Variants in PPP4R3B observed in about 807,000 individuals in gnomAD.
The protein encoded by PPP4R3B is serine/threonine-protein phosphatase 4 regulatory subunit 3B.
PPP4R3B carries 52 observed loss-of-function variants against 95.4 expected under a neutral mutation model. That is an observed-to-expected ratio of 0.54 (90% CI 0.44 to 0.69). The LOEUF (loss-of-function observed/expected upper bound fraction) is 0.69, where lower values mean the gene tolerates loss of function less well. PPP4R3B is among the 30% of genes least tolerant of loss of function. PPP4R3B has a pLI of 0.00. For missense variants in PPP4R3B, 1,003 were observed against 1,005.9 expected, an observed-to-expected ratio of 1.00 and a Z score of 0.04; for synonymous variants, 407 against 343.9, an observed-to-expected ratio of 1.18 and a Z score of -2.03.
chr2:55,599,069 C>A, intron 3 of PPP4R3B, 30 bp from the exon 4 acceptor site: 1 of 1,542,286 alleles, frequency 6.5e-7, no homozygotes, highest in Admixed American at 2.1e-5. Context: ...CAGCTAATTA[C>A]CTTAAAATAC....
At chr2:55,595,834 G>T (rs1313771665) in intron 4 of PPP4R3B, among the ~76,000 whole-genome samples, 1 of 151,734 alleles carries the variant, frequency 6.6e-6, no homozygotes, top group Non-Finnish European at 1.5e-5. Context: ...ACTTCCAGAG[G>T]TCCACAAACC....
intron 4 of PPP4R3B, among the ~76,000 whole-genome samples, chr2:55,591,316 T>G (rs987617859): frequency 6.8e-5 from 10 of 147,366 alleles, no homozygotes; most frequent in African/African-American, 2.7e-4. Flanking sequence ...TTTTTTTAAT[T>G]TTTTGTACAG....
chr2:55,553,425 T>A (rs1200054004), intron 16 of PPP4R3B, among the ~76,000 whole-genome samples: 2 of 152,108 alleles, frequency 1.3e-5, no homozygotes, highest in African/African-American at 2.4e-5. Context: ...ACTCTCTAAG[T>A]CCATACCATA....
intron 16 of PPP4R3B, among the ~76,000 whole-genome samples, chr2:55,551,451 T>A (rs1488248254): frequency 6.6e-6 from 1 of 152,098 alleles, no homozygotes; most frequent in Non-Finnish European, 1.5e-5. Context: ...AGTGAACTAT[T>A]TTGAAATTTA....
chr2:55,579,619 A>G (rs547937131), intron 9 of PPP4R3B, 60 bp downstream of exon 9: 158 of 1,234,388 alleles, frequency 1.3e-4, no homozygotes, highest in Admixed American at 6.4e-4. Flanking sequence ...TGTTAGTTTA[A>G]TATTTATCTC....
intron 16 of PPP4R3B, among the ~76,000 whole-genome samples, chr2:55,551,694 T>A (rs1685266997): frequency 6.7e-6 from 1 of 149,618 alleles, no homozygotes; most frequent in African/African-American, 2.5e-5. Context: ...GAGGCTGCAG[T>A]GAGCCAAGAT....
chr2:55,576,680 C>A (rs531566712), intron 11 of PPP4R3B, among the ~76,000 whole-genome samples: 6 of 151,216 alleles, frequency 4.0e-5, no homozygotes, highest in African/African-American at 1.5e-4. Context: ...CCAGCCTGGG[C>A]GACAGAGTGA....
intron 16 of PPP4R3B, among the ~76,000 whole-genome samples, chr2:55,552,531 C>T (rs1685368523): frequency 6.6e-6 from 1 of 152,116 alleles, no homozygotes; most frequent in Non-Finnish European, 1.5e-5. Context: ...GTAGCTTGGG[C>T]TACATGCATG....
At position 55,603,984 on chromosome 2, in the gene PPP4R3B, A is replaced by C; in HGVS notation, c.291T>G (p.Ile97Met). 6.3e-7 allele frequency: 1 copy of C among 1,596,732 alleles called. No individual in the cohort carries two copies. Among genetic ancestry groups the C allele is most frequent in the Non-Finnish European group, 8.5e-7 (1 of 1,174,666 alleles). The change falls in exon 3 of 17, where the codon ATT becomes ATG. Residue 97 changes from isoleucine (I) to methionine (M), a missense_variant. Around this residue, in one of 3 missense-constraint regions of PPP4R3B, gnomAD observed 695 missense variants for 686.2 expected, o/e 1.01. Coordinates refer to ENST00000616407, the MANE Select transcript of PPP4R3B (RefSeq NM_001122964.3). ...ATTATAAAAAGAAACTTACCTGACA[A>C]ATTTTTTCCCAGATCTCATCACAGC... is the stretch of plus-strand genomic sequence containing the variant. ...KAGCDEIWEK[I>M]CQVQGKDPSV...
intron 4 of PPP4R3B, among the ~76,000 whole-genome samples, chr2:55,593,205 T>C (rs964897841): frequency 6.6e-6 from 1 of 152,170 alleles, no homozygotes; most frequent in Non-Finnish European, 1.5e-5. Flanking sequence ...AGAATGTTGC[T>C]CAATTCTGGG....
Position 55,581,612 on chromosome 2 carries a change from A to T in PPP4R3B, c.1320T>A (p.Leu440=). The T allele has an allele frequency of 6.2e-7, 1 of 1,613,776 alleles. No homozygotes were observed. The highest frequency in any genetic ancestry group is 8.5e-7 in the Non-Finnish European group (1 of 1,179,840). ...TCTCTGGATCAATTAGAGTACGAAG[A>T]AGTCCCATTAACTGAACAGCGCCTC... ...ELGGAVQLMG[L]LRTLIDPENM... Residue 440 remains leucine (L), a synonymous_variant, in exon 8 of 17, where the codon CTT becomes CTA. Coordinates refer to ENST00000616407, the MANE Select transcript of PPP4R3B (RefSeq NM_001122964.3).
At chr2:55,600,397 G>T (rs960867717) in intron 3 of PPP4R3B, among the ~76,000 whole-genome samples, 1 of 123,558 alleles carries the variant, frequency 8.1e-6, no homozygotes, top group African/African-American at 3.3e-5. Context: ...CTGCACTCTT[G>T]CCTGGGCAAC....
chr2:55,596,600 T>C (rs1291293849), intron 4 of PPP4R3B, among the ~76,000 whole-genome samples: 4 of 152,242 alleles, frequency 2.6e-5, no homozygotes, highest in African/African-American at 9.6e-5. Context: ...GGCAAAGTTA[T>C]CTCAAGGTAA....
In PPP4R3B at chr2:55,598,935, C is replaced by A; in HGVS notation, c.402G>T (p.Leu134=). 2 of 1,614,158 alleles carry A rather than the reference C, an allele frequency of 1.2e-6. No individual in the cohort carries two copies. Among genetic ancestry groups the A allele is most frequent in the Non-Finnish European group, 1.7e-6 (2 of 1,180,026 alleles). Residue 134 remains leucine (L), a synonymous_variant, in exon 4 of 17, where the codon CTG becomes CTT. Coordinates refer to ENST00000616407, the MANE Select transcript of PPP4R3B (RefSeq NM_001122964.3). ...EMPETSHLID[L]PTCELNKLEE... ...CAAGTTTATTGAGTTCACATGTGGG[C>A]AGGTCAATCAGATGACTAGTTTCAG...
At chr2:55,615,328 C>T in intron 2 of PPP4R3B, 123 bp downstream of exon 2, 1 of 761,860 alleles carries the variant, frequency 1.3e-6, no homozygotes, top group Non-Finnish European at 2.1e-6. Flanking sequence ...AAGAGAAATA[C>T]ACATGATCTT....
rs1460844359 is a variant in PPP4R3B at position 55,617,149 on chromosome 2, G to A, written c.137C>T (p.Ser46Phe). 23 of 1,611,564 alleles carry A rather than the reference G, an allele frequency of 1.4e-5. No homozygotes were observed. The highest frequency in any genetic ancestry group is 2.0e-5 in the Non-Finnish European group (23 of 1,179,048). The change falls in exon 1 of 17, where the codon TCC becomes TTC. Residue 46 changes from serine to phenylalanine, a missense_variant. Physicochemically the swap from Ser to Phe is radical, Grantham distance 155. Coordinates refer to ENST00000616407, the MANE Select transcript of PPP4R3B (RefSeq NM_001122964.3). ...KGMSLLVRAE[S>F]DGSLLLESKI... ...TACAGTTCCGATAACCTTACCGTCGGACTCTGCCCGAACCAGCAGCGACAT... is the reference window on the plus strand; with the variant it reads ...TACAGTTCCGATAACCTTACCGTCGAACTCTGCCCGAACCAGCAGCGACAT...
chr2:55,577,815 TA>T (rs1025203547), intron 10 of PPP4R3B, among the ~76,000 whole-genome samples: 10 of 148,714 alleles, frequency 6.7e-5, no homozygotes, highest in East Asian at 5.8e-4. Context: ...TGCTTTAAAT[TA>T]AAAAAAAAAC....
intron 12 of PPP4R3B, among the ~76,000 whole-genome samples, chr2:55,569,580 T>C (rs1687731713): frequency 6.6e-6 from 1 of 152,142 alleles, no homozygotes; most frequent in African/African-American, 2.4e-5. Flanking sequence ...CTCTCTCTCT[T>C]TCTCCTCTCT....
At chr2:55,588,830 C>A (rs573459133) in intron 5 of PPP4R3B, 49 bp downstream of exon 5, 49 of 1,243,010 alleles carry the variant, frequency 3.9e-5, no homozygotes, top group Non-Finnish European at 5.7e-6. Context: ...AAAAGCTGTG[C>A]ATGCCAAAAG....
Sources: gnomAD v4.1 joint callset for allele counts (sites outside exome capture counted in the v4.1 genomes callset) on GRCh38, gnomAD v4.1.1 for gene constraint, gnomAD v4.1.1 regional missense constraint, MANE v1.5 for transcripts, NCBI Gene and HGNC (gene_info 2026-07-23, HGNC 2026-07-21) for gene names.